MTMR2: variants seen among roughly 807,000 people sequenced by gnomAD.
MTMR2 encodes the protein phosphatidylinositol-3,5-bisphosphate 3-phosphatase MTMR2.
MTMR2 carries 55 observed loss-of-function variants against 86.9 expected under a neutral mutation model. The ratio of observed to expected loss-of-function variants is 0.63; its 90% CI spans 0.51 to 0.79. MTMR2 has a LOEUF of 0.79. Among genes scored for constraint, MTMR2 ranks in the 30% least tolerant of loss-of-function variants. The pLI is 0.00. For missense variants in MTMR2, 659 were observed against 772.3 expected (o/e 0.85, Z 1.74); for synonymous variants, 241 against 266.8 (o/e 0.90, Z 0.94).
chr11:95,889,248 C>T (rs1865625317), intron 1 of MTMR2, among the ~76,000 whole-genome samples: 1 of 151,720 alleles, frequency 6.6e-6, no homozygotes, highest in Non-Finnish European at 1.5e-5. Flanking sequence ...ATTCTCCTGT[C>T]TCAGACGCCT....
intron 12 of MTMR2, among the ~76,000 whole-genome samples, chr11:95,839,352 C>G (rs1049380766): frequency 2.0e-5 from 3 of 151,962 alleles, no homozygotes; most frequent in African/African-American, 7.2e-5. Flanking sequence ...ATAAATCCCA[C>G]CTATTTTTCA....
intron 2 of MTMR2, among the ~76,000 whole-genome samples, chr11:95,877,414 C>T (rs1034625625): frequency 2.2e-5 from 3 of 134,972 alleles, no homozygotes; most frequent in Non-Finnish European, 4.6e-5. Context: ...CCACAACTAG[C>T]CAAAGCTGGA....
chr11:95,834,855 C>A lies in MTMR2; in HGVS notation c.*435G>T. Reference sequence around the variant, plus strand: ...GAAAGGGATATCAAATGATTTTGATCTGTCATGACATCAAGGCCCAATATA... The same window carrying A: ...GAAAGGGATATCAAATGATTTTGATATGTCATGACATCAAGGCCCAATATA... On this transcript the variant is annotated 3_prime_UTR_variant, in exon 15 of 15. Coordinates refer to ENST00000346299, the MANE Select transcript of MTMR2 (RefSeq NM_016156.6). 5.7e-6 allele frequency: 1 copy of A among 175,278 alleles called. No homozygotes were observed. The highest frequency in any genetic ancestry group is 1.2e-5 in the Non-Finnish European group (1 of 80,390). The allele number at this position is 175,278 out of a possible 1,614,324, so 10.9% of individuals were successfully genotyped here.
At chr11:95,887,864 A>C (rs1865569101) in intron 2 of MTMR2, 1 of 360,304 alleles carries the variant, frequency 2.8e-6, no homozygotes, top group Non-Finnish European at 5.2e-6. Context: ...AATGTTAGCT[A>C]TTACTGGTTA....
intron 2 of MTMR2, among the ~76,000 whole-genome samples, chr11:95,869,923 G>A (rs184142636): frequency 1.4e-3 from 218 of 152,266 alleles, no homozygotes; most frequent in African/African-American, 4.2e-3. Flanking sequence ...AAAGGGGCAT[G>A]ATGAAAGTAT....
At chr11:95,870,752 ATAC>A (rs1864841286) in intron 2 of MTMR2, among the ~76,000 whole-genome samples, 3 of 96,384 alleles carry the variant, frequency 3.1e-5, no homozygotes, top group African/African-American at 1.6e-4. Context: ...TTTTTTTATT[ATAC>A]TTTAAGTTTC....
At chr11:95,856,353 G>C (rs1448538613) in intron 7 of MTMR2, among the ~76,000 whole-genome samples, 5 of 150,244 alleles carry the variant, frequency 3.3e-5, no homozygotes, top group Non-Finnish European at 7.4e-5. Flanking sequence ...TTTATTTAAA[G>C]GGGGGGAAGT....
chr11:95,911,107 T>C lies in MTMR2; in HGVS notation c.80+12768A>G, dbSNP rs369295599. Among the ~76,000 whole-genome samples, 32 of 152,308 alleles carry C rather than the reference T, an allele frequency of 2.1e-4. No individual in the cohort carries two copies. The South Asian group carries it at 6.4e-3, about 31-fold the overall frequency. On this transcript the variant is annotated intron_variant, in intron 1 of 14. Coordinates refer to ENST00000346299, the MANE Select transcript of MTMR2 (RefSeq NM_016156.6). ...TATAAATGATCATCATGGCATCTGATTGACAGAAATAAGAGACAACATGTT... is the reference window on the plus strand; with the variant it reads ...TATAAATGATCATCATGGCATCTGACTGACAGAAATAAGAGACAACATGTT...
chr11:95,886,165 G>A lies in MTMR2; in HGVS notation c.186+1991C>T, dbSNP rs143011120. ...AAAAGAACATTAGGTAAAAACTAAGGATATCTCAATAAAGTGTGGACTTTA... is the reference window on the plus strand; with the variant it reads ...AAAAGAACATTAGGTAAAAACTAAGAATATCTCAATAAAGTGTGGACTTTA... On this transcript the variant is annotated intron_variant, in intron 2 of 14. Coordinates refer to ENST00000346299, the MANE Select transcript of MTMR2 (RefSeq NM_016156.6). 5.4e-3 allele frequency among the ~76,000 whole-genome samples: 824 copies of A among 152,208 alleles called. 11 individuals carry two copies. Among genetic ancestry groups the A allele is most frequent in the African/African-American group, 0.019 (771 of 41,532 alleles).
chr11:95,891,828 G>C lies in MTMR2; in HGVS notation c.81-3567C>G, dbSNP rs145428187. ...TACGGCAGAAACACACACACACACA[G>C]AGAGAGAGAAAGGGGGAGAGAGGGA... On this transcript the variant is annotated intron_variant, in intron 1 of 14. Transcript: ENST00000346299. 6.3e-3 allele frequency among the ~76,000 whole-genome samples: 964 copies of C among 152,068 alleles called. 16 individuals are homozygous for C. The highest frequency in any genetic ancestry group is 0.021 in the African/African-American group (862 of 41,476).
At chr11:95,905,184 G>A (rs1866210376) in intron 1 of MTMR2, among the ~76,000 whole-genome samples, 1 of 151,856 alleles carries the variant, frequency 6.6e-6, no homozygotes, top group Admixed American at 6.6e-5. Context: ...TCATAACACT[G>A]GAGTGCCCCT....
chr11:95,903,890 G>A (rs923202129), intron 1 of MTMR2, among the ~76,000 whole-genome samples: 2 of 152,078 alleles, frequency 1.3e-5, no homozygotes, highest in African/African-American at 4.8e-5. Context: ...TGAGGCAGGC[G>A]GATCACGAGG....
At chr11:95,877,538 C>T (rs140024343) in intron 2 of MTMR2, among the ~76,000 whole-genome samples, 8 of 151,880 alleles carry the variant, frequency 5.3e-5, no homozygotes, top group Admixed American at 2.0e-4. Flanking sequence ...CCTCTAATAA[C>T]GTTGTTGAAG....
At chr11:95,855,088 G>A (rs1864162015) in intron 7 of MTMR2, among the ~76,000 whole-genome samples, 1 of 152,162 alleles carries the variant, frequency 6.6e-6, no homozygotes, top group Admixed American at 6.5e-5. Flanking sequence ...GGGATTACAG[G>A]TGTGAGCCAC....
chr11:95,871,061 C>G (rs2135501065), intron 2 of MTMR2, among the ~76,000 whole-genome samples: 1 of 152,172 alleles, frequency 6.6e-6, no homozygotes, highest in South Asian at 2.1e-4. Context: ...ACAAAGGACA[C>G]AAACTCATCA....
Position 95,882,889 on chromosome 11 carries a change from A to ATTTTTTTTTT in MTMR2, c.186+5257_186+5266dup, listed in dbSNP as rs776661875. The stretch of plus-strand genomic sequence containing the variant: ...AGGCGCCCGCCACCACATCCAGCTA[A>ATTTTTTTTTT]TTTTTTTTTTTTTTTTTTTTTTTTT... On this transcript the variant is annotated intron_variant, in intron 2 of 14. Coordinates refer to ENST00000346299, the MANE Select transcript of MTMR2 (RefSeq NM_016156.6). 9.9e-4 allele frequency among the ~76,000 whole-genome samples: 75 copies of ATTTTTTTTTT among 76,074 alleles called. 1 individual carries two copies. The highest frequency in any genetic ancestry group is 1.9e-3 in the East Asian group (5 of 2,624). 49.9% of individuals were successfully genotyped at this position (76,074 alleles called of 152,430 possible).
Position 95,891,669 on chromosome 11 carries a change from T to A in MTMR2, c.81-3408A>T, listed in dbSNP as rs558432022. On this transcript the variant is annotated intron_variant, in intron 1 of 14. Coordinates refer to ENST00000346299, the MANE Select transcript of MTMR2 (RefSeq NM_016156.6). ...ACATAAACATAGGTAGATATTATGA[T>A]CCACAGTGTTATAGTTTAATAAGCA... Among the ~76,000 whole-genome samples the A allele has an allele frequency of 6.9e-4, 105 of 152,324 alleles. No homozygotes were observed. In the South Asian group the frequency reaches 7.9e-3, roughly 11 times the overall value.
intron 1 of MTMR2, among the ~76,000 whole-genome samples, chr11:95,912,412 TATA>T (rs1004400334): frequency 1.3e-5 from 2 of 151,554 alleles, no homozygotes; most frequent in African/African-American, 2.4e-5. Context: ...AATTGAAAAA[TATA>T]ATAATTTTTT....
intron 2 of MTMR2, among the ~76,000 whole-genome samples, chr11:95,873,323 G>A (rs1212990268): frequency 6.6e-6 from 1 of 152,092 alleles, no homozygotes; most frequent in Non-Finnish European, 1.5e-5. Flanking sequence ...ACTTCTTCCT[G>A]GTTTAGCCTT....
Sources: allele counts gnomAD v4.1 joint callset (sites outside exome capture counted in the v4.1 genomes callset), GRCh38; gene constraint gnomAD v4.1.1; transcripts MANE v1.5; gene names NCBI Gene and HGNC (gene_info 2026-07-23, HGNC 2026-07-21).